Variants in VAV3 observed in about 807,000 individuals in gnomAD.
VAV3 encodes the protein vav guanine nucleotide exchange factor 3.
VAV3 carries 94 observed loss-of-function variants against 131.2 expected under a neutral mutation model. That is an observed-to-expected ratio of 0.72 (90% CI 0.61 to 0.85). The LOEUF (loss-of-function observed/expected upper bound fraction) is 0.85. Ranked by LOEUF, VAV3 falls within the 40% of genes least tolerant of loss-of-function variation. The pLI is 0.00. For missense variants in VAV3, 939 were observed against 1,002.7 expected, an observed-to-expected ratio of 0.94 and a Z score of 0.86; for synonymous variants, 349 against 342.0, an observed-to-expected ratio of 1.02 and a Z score of -0.22.
intron 25 of VAV3, among the ~76,000 whole-genome samples, chr1:107,579,648 GCTTT>G (rs1481904192): frequency 1.3e-5 from 2 of 152,072 alleles, no homozygotes; most frequent in African/African-American, 4.8e-5. Context: ...CTTGCTTCTG[GCTTT>G]CTTTCTCTTC....
At chr1:107,919,352 T>C (rs956203535) in intron 1 of VAV3, among the ~76,000 whole-genome samples, 1 of 152,244 alleles carries the variant, frequency 6.6e-6, no homozygotes, top group Admixed American at 6.5e-5. Flanking sequence ...TTCTATTACA[T>C]GGCTCCAGTG....
At chr1:107,876,097 G>GT (rs973395779) in intron 1 of VAV3, among the ~76,000 whole-genome samples, 2 of 152,172 alleles carry the variant, frequency 1.3e-5, no homozygotes, top group Non-Finnish European at 2.9e-5. Context: ...AGAGTGACCA[G>GT]TTAGGAAGTA....
chr1:107,575,749 C>A (rs935533779), intron 25 of VAV3, among the ~76,000 whole-genome samples: 1 of 152,132 alleles, frequency 6.6e-6, no homozygotes, highest in Non-Finnish European at 1.5e-5. Context: ...TAGATGACTT[C>A]TAAGTTTTTT....
intron 19 of VAV3, chr1:107,669,471 A>G (rs1482590652): frequency 7.8e-7 from 1 of 1,286,558 alleles, no homozygotes; most frequent in East Asian, 5.6e-5. Flanking sequence ...GACAGGGCAC[A>G]TCTAATAAAG....
intron 2 of VAV3, among the ~76,000 whole-genome samples, chr1:107,813,097 C>A (rs78495697): frequency 6.9e-6 from 1 of 144,362 alleles, no homozygotes; most frequent in African/African-American, 2.6e-5. Flanking sequence ...CTAGCCTAAG[C>A]GACAGAGCCA....
intron 19 of VAV3, among the ~76,000 whole-genome samples, chr1:107,659,137 G>C (rs1656813173): frequency 6.6e-6 from 1 of 152,042 alleles, no homozygotes; most frequent in Non-Finnish European, 1.5e-5. Context: ...TAAGGTGTAA[G>C]GAAGGGATCC....
chr1:107,809,159 C>T (rs1234423550), intron 2 of VAV3, among the ~76,000 whole-genome samples: 1 of 152,128 alleles, frequency 6.6e-6, no homozygotes, highest in Non-Finnish European at 1.5e-5. Context: ...TTCTTGGCAA[C>T]TGAAAAATAA....
intron 19 of VAV3, among the ~76,000 whole-genome samples, chr1:107,665,152 T>C (rs928230021): frequency 6.6e-6 from 1 of 152,008 alleles, no homozygotes; most frequent in African/African-American, 2.4e-5. Flanking sequence ...GAAGTCAGGA[T>C]TGGAGGCAAG....
intron 17 of VAV3, among the ~76,000 whole-genome samples, chr1:107,703,296 A>T (rs1660246378): frequency 6.6e-6 from 1 of 152,180 alleles, no homozygotes; most frequent in Non-Finnish European, 1.5e-5. Flanking sequence ...ATATTTTACA[A>T]CTCTGTAAAC....
intron 2 of VAV3, among the ~76,000 whole-genome samples, chr1:107,824,456 T>C (rs753026107): frequency 4.6e-5 from 7 of 152,164 alleles, no homozygotes; most frequent in African/African-American, 9.7e-5. Context: ...ATGTACATTT[T>C]CAGAACCAAT....
chr1:107,739,744 CAG>C (rs1662895040), intron 15 of VAV3, among the ~76,000 whole-genome samples: 1 of 152,200 alleles, frequency 6.6e-6, no homozygotes, highest in Non-Finnish European at 1.5e-5. Flanking sequence ...AGTTTCCAAA[CAG>C]ACACTGACGG....
At chr1:107,661,331 C>A (rs1228337463) in intron 19 of VAV3, among the ~76,000 whole-genome samples, 1 of 152,128 alleles carries the variant, frequency 6.6e-6, no homozygotes, top group Non-Finnish European at 1.5e-5. Context: ...TGCTACCATC[C>A]TCCGCGAAGT....
Position 107,929,186 on chromosome 1 carries a change from G to A in VAV3, c.204+35480C>T, listed in dbSNP as rs1361786511. On this transcript the variant is annotated intron_variant, in intron 1 of 26. Coordinates refer to ENST00000370056, the MANE Select transcript of VAV3 (RefSeq NM_006113.5). ...GCCTGTAGTCCCAGCTATTTGGGAG[G>A]CTGAGGCAGGAGAATGGCGTGAACC... 3.3e-5 allele frequency among the ~76,000 whole-genome samples: 5 copies of A among 151,182 alleles called. No individual in the cohort carries two copies. In the South Asian group the frequency reaches 1.0e-3, roughly 32 times the overall value.
At chr1:107,852,635 C>T (rs1218633169) in intron 2 of VAV3, among the ~76,000 whole-genome samples, 1 of 152,080 alleles carries the variant, frequency 6.6e-6, no homozygotes, top group African/African-American at 2.4e-5. Flanking sequence ...CTCATTTAAC[C>T]AACTTTCTTC....
At chr1:107,825,808 C>T (rs1667985562) in intron 2 of VAV3, among the ~76,000 whole-genome samples, 1 of 152,104 alleles carries the variant, frequency 6.6e-6, no homozygotes, top group Non-Finnish European at 1.5e-5. Context: ...CAAAGCTGAC[C>T]CTCACTTTTG....
At chr1:107,892,971 C>A (rs1335247782) in intron 1 of VAV3, among the ~76,000 whole-genome samples, 1 of 152,078 alleles carries the variant, frequency 6.6e-6, no homozygotes, top group African/African-American at 2.4e-5. Context: ...CAGCTCATGA[C>A]TAATACAAAA....
intron 8 of VAV3, 93 bp from the exon 9 acceptor site, chr1:107,765,268 T>C (rs1664677277): frequency 2.1e-6 from 2 of 967,668 alleles, no homozygotes; most frequent in Non-Finnish European, 3.2e-6. Context: ...TTTAAAACCA[T>C]TGTTAGGGAT....
chr1:107,594,901 C>T (rs1360835135), intron 25 of VAV3, among the ~76,000 whole-genome samples: 1 of 152,108 alleles, frequency 6.6e-6, no homozygotes, highest in Non-Finnish European at 1.5e-5. Context: ...TAACTGACCT[C>T]CCTGGCAACT....
intron 1 of VAV3, among the ~76,000 whole-genome samples, chr1:107,927,098 T>G (rs1673194547): frequency 6.6e-6 from 1 of 152,282 alleles, no homozygotes; most frequent in East Asian, 1.9e-4. Context: ...TCTTGCATCT[T>G]GGATACCAGC....
Sources: gnomAD v4.1 joint callset for allele counts (sites outside exome capture counted in the v4.1 genomes callset) on GRCh38, gnomAD v4.1.1 for gene constraint, MANE v1.5 for transcripts, NCBI Gene and HGNC (gene_info 2026-07-23, HGNC 2026-07-21) for gene names.